Variants in NKAIN3 observed in about 807,000 individuals in gnomAD.
NKAIN3 encodes the protein sodium/potassium transporting ATPase interacting 3.
Under a neutral mutation model 30.2 loss-of-function variants are expected in NKAIN3, and 25 were observed. The ratio of observed to expected loss-of-function variants is 0.83; its 90% CI spans 0.60 to 1.16. The LOEUF (loss-of-function observed/expected upper bound fraction) is 1.16, where lower values mean the gene tolerates loss of function less well. NKAIN3 is among the 50% of genes most tolerant of loss of function. The pLI is 0.00. For missense variants in NKAIN3, 225 were observed against 254.1 expected (o/e 0.89, Z 0.78); for synonymous variants, 91 against 89.6 (o/e 1.02, Z -0.09).
chr8:62,382,144 G>T (rs376519919), intron 1 of NKAIN3, among the ~76,000 whole-genome samples: 162 of 152,216 alleles, frequency 1.1e-3, no homozygotes, highest in African/African-American at 3.8e-3. Flanking sequence ...CTGTTGACTG[G>T]AAGGCTTATG....
chr8:62,497,235 T>C (rs544733049), intron 1 of NKAIN3, among the ~76,000 whole-genome samples: 4 of 152,088 alleles, frequency 2.6e-5, no homozygotes, highest in African/African-American at 9.6e-5. Flanking sequence ...TTTTTAGTTA[T>C]AAAAATACAG....
chr8:62,345,496 C>T lies in NKAIN3; in HGVS notation c.54+96369C>T, dbSNP rs201606182. The stretch of plus-strand genomic sequence containing the variant: ...ATACACATATATGTATATATACACA[C>T]ATATATACACATATATACACATATA... On this transcript the variant is annotated intron_variant, in intron 1 of 6. Transcript: ENST00000623646. 8.1e-4 allele frequency among the ~76,000 whole-genome samples: 95 copies of T among 117,416 alleles called. 4 individuals carry two copies. The East Asian group carries it at 0.011, about 13-fold the overall frequency. 77.0% of individuals were successfully genotyped at this position (117,416 alleles called of 152,430 possible).
chr8:62,863,046 C>T, intron 4 of NKAIN3: 4 of 805,386 alleles, frequency 5.0e-6, no homozygotes, highest in Non-Finnish European at 8.2e-6. Context: ...ACTATGGAGA[C>T]TCTAGGTGCT....
intron 1 of NKAIN3, among the ~76,000 whole-genome samples, chr8:62,344,392 A>G (rs1815858801): frequency 6.6e-6 from 1 of 152,232 alleles, no homozygotes; most frequent in East Asian, 1.9e-4. Flanking sequence ...TGTTATCACA[A>G]CAATATTCAT....
chr8:62,998,807 T>C (rs1248070470), intron 5 of NKAIN3, among the ~76,000 whole-genome samples: 1 of 152,138 alleles, frequency 6.6e-6, no homozygotes, highest in Non-Finnish European at 1.5e-5. Flanking sequence ...TGCATCACAA[T>C]CCCACCACCT....
chr8:62,791,834 T>C (rs538065244), intron 4 of NKAIN3, among the ~76,000 whole-genome samples: 1 of 152,232 alleles, frequency 6.6e-6, no homozygotes, highest in East Asian at 1.9e-4. Flanking sequence ...AAGTAAACAT[T>C]ATTGAATATA....
At chr8:62,361,729 AT>A (rs1816572206) in intron 1 of NKAIN3, among the ~76,000 whole-genome samples, 1 of 152,180 alleles carries the variant, frequency 6.6e-6, no homozygotes, top group Admixed American at 6.5e-5. Flanking sequence ...GTACTTATTT[AT>A]TTTTAATTGA....
intron 3 of NKAIN3, among the ~76,000 whole-genome samples, chr8:62,628,494 T>C (rs576787784): frequency 6.6e-6 from 1 of 152,308 alleles, no homozygotes; most frequent in Non-Finnish European, 1.5e-5. Flanking sequence ...TTTTTTCATT[T>C]CCAATCTAAA....
At chr8:62,539,465 T>A (rs963863031) in intron 1 of NKAIN3, among the ~76,000 whole-genome samples, 1 of 152,212 alleles carries the variant, frequency 6.6e-6, no homozygotes, top group African/African-American at 2.4e-5. Flanking sequence ...TTCCTATAAA[T>A]CACCAAAATT....
intron 3 of NKAIN3, among the ~76,000 whole-genome samples, chr8:62,691,863 G>GA (rs1744796888): frequency 6.6e-6 from 1 of 152,140 alleles, no homozygotes; most frequent in South Asian, 2.1e-4. Context: ...ATCAATAATA[G>GA]CCATTATTAT....
At chr8:62,285,169 A>G (rs752642869) in intron 1 of NKAIN3, among the ~76,000 whole-genome samples, 4 of 152,158 alleles carry the variant, frequency 2.6e-5, no homozygotes, top group Non-Finnish European at 4.4e-5. Flanking sequence ...CCCCAAATCT[A>G]GGTTTCACTA....
chr8:62,280,399 G>T (rs144132529), intron 1 of NKAIN3, among the ~76,000 whole-genome samples: 1 of 151,802 alleles, frequency 6.6e-6, no homozygotes, highest in Non-Finnish European at 1.5e-5. Flanking sequence ...TGGCCAGATC[G>T]TCCAACATTA....
At position 62,918,546 on chromosome 8, in the gene NKAIN3, C is replaced by T. The variant is rs777075493; in HGVS notation, c.532+33C>T. The T allele has an allele frequency of 5.5e-6, 8 of 1,447,268 alleles. No individual in the cohort carries two copies. In the Admixed American group the frequency reaches 1.2e-4, roughly 21 times the overall value. 89.7% of individuals were successfully genotyped at this position (1,447,268 alleles called of 1,614,324 possible). On this transcript the variant is annotated intron_variant, in intron 5 of 6. Coordinates refer to ENST00000623646, the MANE Select transcript of NKAIN3 (RefSeq NM_001304533.3). ...CTGTTTTCTCTCTCCCTGTGGGTTC[C>T]TTTTGAATGAGATACAGCTTCCAAA... is the stretch of plus-strand genomic sequence containing the variant.
intron 3 of NKAIN3, among the ~76,000 whole-genome samples, chr8:62,646,424 A>C (rs554440933): frequency 6.6e-6 from 1 of 152,134 alleles, no homozygotes; most frequent in African/African-American, 2.4e-5. Context: ...CAAATAAGTC[A>C]TTTAAGATAC....
intron 1 of NKAIN3, among the ~76,000 whole-genome samples, chr8:62,566,091 A>T (rs187601279): frequency 1.2e-3 from 182 of 152,274 alleles, no homozygotes; most frequent in African/African-American, 4.2e-3. Flanking sequence ...TCAGAGGCAC[A>T]TCAGATACTG....
intron 5 of NKAIN3, among the ~76,000 whole-genome samples, chr8:62,934,281 G>A (rs1379926065): frequency 6.6e-6 from 1 of 151,948 alleles, no homozygotes; most frequent in African/African-American, 2.4e-5. Flanking sequence ...GGAAGGCTGA[G>A]GTGGGAGGAT....
In NKAIN3 at chr8:62,952,853, G is replaced by T. The variant is rs1463649076; in HGVS notation, c.533-1049G>T. The stretch of plus-strand genomic sequence containing the variant: ...ATTTCCCTTTGAGATATCTTGACTT[G>T]AGAAAAGACATTTTAGAATGGAGCC... On this transcript the variant is annotated intron_variant, in intron 5 of 6. Transcript: ENST00000623646. Among the ~76,000 whole-genome samples, 3 of 152,100 alleles carry T rather than the reference G, an allele frequency of 2.0e-5. No individual in the cohort carries two copies. In the East Asian group the frequency reaches 5.8e-4, roughly 29 times the overall value.
In NKAIN3 at chr8:62,793,236, T is replaced by C. The variant is rs1007814287; in HGVS notation, c.471+46107T>C. On this transcript the variant is annotated intron_variant, in intron 4 of 6. Coordinates refer to ENST00000623646, the MANE Select transcript of NKAIN3 (RefSeq NM_001304533.3). The stretch of plus-strand genomic sequence containing the variant: ...ACTCCCAAAAGTCCAAGAACAAGAG[T>C]TGGACTCAGCTGATGGAAATGATCC... 5.9e-5 allele frequency among the ~76,000 whole-genome samples: 9 copies of C among 151,736 alleles called. No homozygotes were observed. The South Asian group carries it at 8.3e-4, about 14-fold the overall frequency.
Position 62,291,156 on chromosome 8 carries a change from T to C in NKAIN3, c.54+42029T>C, listed in dbSNP as rs528868727. Among the ~76,000 whole-genome samples the C allele has an allele frequency of 3.3e-5, 5 of 152,296 alleles. No homozygotes were observed. In the South Asian group the frequency reaches 1.0e-3, roughly 32 times the overall value. On this transcript the variant is annotated intron_variant, in intron 1 of 6. Coordinates refer to ENST00000623646, the MANE Select transcript of NKAIN3 (RefSeq NM_001304533.3). ...TCTTCTTTATTAGTCTTGCTAGCAG[T>C]CCATCAATTTTGTTGATCTTTTCAA... is the stretch of plus-strand genomic sequence containing the variant.
Sources: gnomAD v4.1 joint callset for allele counts (sites outside exome capture counted in the v4.1 genomes callset) on GRCh38, gnomAD v4.1.1 for gene constraint, MANE v1.5 for transcripts, NCBI Gene and HGNC (gene_info 2026-07-23, HGNC 2026-07-21) for gene names.